Variants in BCL2 observed in about 807,000 individuals in gnomAD.
The protein encoded by BCL2 is apoptosis regulator Bcl-2.
A neutral mutation model predicts 14.2 loss-of-function variants in BCL2; 1 was observed. That is an observed-to-expected ratio of 0.07 (90% confidence interval 0.02 to 0.33). The LOEUF (loss-of-function observed/expected upper bound fraction) is 0.33. BCL2 is among the 10% of genes least tolerant of loss of function. The pLI, the probability that BCL2 is intolerant of heterozygous loss-of-function variation, is 0.99. For synonymous variants in BCL2, 151 were observed against 137.2 expected (o/e 1.10, Z -0.70); for missense variants, 247 against 305.9 (o/e 0.81, Z 1.44).
intron 2 of BCL2, among the ~76,000 whole-genome samples, chr18:63,252,368 G>A (rs975747104): frequency 3.3e-5 from 5 of 152,068 alleles, no homozygotes; most frequent in Admixed American, 2.6e-4. Flanking sequence ...TCATATCTTA[G>A]TGGGAGAGCT....
intron 2 of BCL2, among the ~76,000 whole-genome samples, chr18:63,199,652 GAC>G (rs1450779353): frequency 6.6e-6 from 1 of 151,064 alleles, no homozygotes; most frequent in East Asian, 1.9e-4. Context: ...CATACACGCA[GAC>G]ACATGTACAC....
At chr18:63,200,688 T>G (rs1909665822) in intron 2 of BCL2, among the ~76,000 whole-genome samples, 1 of 152,182 alleles carries the variant, frequency 6.6e-6, no homozygotes, top group Non-Finnish European at 1.5e-5. Context: ...AGTGCAATGG[T>G]GCAACATAGC....
chr18:63,279,331 T>G (rs1400509383), intron 2 of BCL2, among the ~76,000 whole-genome samples: 1 of 152,184 alleles, frequency 6.6e-6, no homozygotes, highest in Admixed American at 6.5e-5. Flanking sequence ...TGCAAAGAAC[T>G]CCTACAAATT....
intron 2 of BCL2, among the ~76,000 whole-genome samples, chr18:63,249,066 A>G (rs1911230637): frequency 6.6e-6 from 1 of 152,206 alleles, no homozygotes; most frequent in African/African-American, 2.4e-5. Flanking sequence ...ATATGGGCAT[A>G]TTAAAGAATC....
intron 2 of BCL2, among the ~76,000 whole-genome samples, chr18:63,272,244 G>GA (rs1912022460): frequency 1.3e-5 from 2 of 152,144 alleles, no homozygotes; most frequent in Admixed American, 6.5e-5. Context: ...TGCAACCCTG[G>GA]AAAAAATATC....
intron 2 of BCL2, among the ~76,000 whole-genome samples, chr18:63,168,788 G>T (rs1265641374): frequency 2.6e-5 from 4 of 152,160 alleles, no homozygotes; most frequent in Non-Finnish European, 5.9e-5. Context: ...GGAATGCCAG[G>T]GCTTTTTAGG....
intron 2 of BCL2, among the ~76,000 whole-genome samples, chr18:63,143,719 T>C (rs1397467057): frequency 6.6e-6 from 1 of 152,232 alleles, no homozygotes; most frequent in Non-Finnish European, 1.5e-5. Flanking sequence ...ATATTCCAGG[T>C]GGGACTGGCA....
chr18:63,243,502 G>A (rs375848918), intron 2 of BCL2, among the ~76,000 whole-genome samples: 9 of 152,062 alleles, frequency 5.9e-5, no homozygotes, highest in East Asian at 1.9e-4. Flanking sequence ...CACATGTACC[G>A]CTGAACTTAA....
intron 2 of BCL2, among the ~76,000 whole-genome samples, chr18:63,238,404 C>T (rs895954257): frequency 6.6e-6 from 1 of 152,198 alleles, no homozygotes; most frequent in Non-Finnish European, 1.5e-5. Flanking sequence ...GTAATTTAAT[C>T]TCACCTAAGC....
chr18:63,182,170 G>A (rs947600582), intron 2 of BCL2, among the ~76,000 whole-genome samples: 1 of 152,202 alleles, frequency 6.6e-6, no homozygotes, highest in Admixed American at 6.5e-5. Flanking sequence ...AGGGAGTGTG[G>A]CAGAATTGAT....
intron 2 of BCL2, among the ~76,000 whole-genome samples, chr18:63,296,254 C>T (rs1308060066): frequency 6.6e-6 from 1 of 152,166 alleles, no homozygotes; most frequent in Non-Finnish European, 1.5e-5. Flanking sequence ...TTCCAACCTT[C>T]CCAACCCAGC....
intron 2 of BCL2, among the ~76,000 whole-genome samples, chr18:63,134,006 T>TA (rs1274756719): frequency 6.6e-6 from 1 of 152,098 alleles, no homozygotes; most frequent in East Asian, 1.9e-4. Flanking sequence ...TCATATTGAG[T>TA]AAAGCAGGAC....
intron 2 of BCL2, among the ~76,000 whole-genome samples, chr18:63,157,422 C>A (rs1455527750): frequency 6.6e-6 from 1 of 152,212 alleles, no homozygotes; most frequent in Non-Finnish European, 1.5e-5. Flanking sequence ...CAGGAGGTGG[C>A]TTATTTCATG....
intron 2 of BCL2, among the ~76,000 whole-genome samples, chr18:63,311,396 G>T (rs1305015052): frequency 1.3e-5 from 2 of 152,184 alleles, no homozygotes; most frequent in Non-Finnish European, 2.9e-5. Flanking sequence ...ATACTCTGTT[G>T]CAGCTTAACT....
chr18:63,220,541 T>C (rs1351123610), intron 2 of BCL2, among the ~76,000 whole-genome samples: 1 of 152,114 alleles, frequency 6.6e-6, no homozygotes, highest in Non-Finnish European at 1.5e-5. Flanking sequence ...TTCCTCTAGG[T>C]TTTTCGTCAT....
At chr18:63,198,617 GACAC>G (rs1303364222) in intron 2 of BCL2, among the ~76,000 whole-genome samples, 1 of 126,926 alleles carries the variant, frequency 7.9e-6, no homozygotes, top group Non-Finnish European at 1.7e-5. Flanking sequence ...GACACACACT[GACAC>G]ACAGACACAG....
rs556548287 is a variant in BCL2, at chr18:63,161,377, A to G, written c.586-32618T>C. Among the ~76,000 whole-genome samples, 231 of 152,294 alleles carry G rather than the reference A, an allele frequency of 1.5e-3. 1 individual carries two copies. The highest frequency in any genetic ancestry group is 5.3e-3 in the African/African-American group (222 of 41,550). ...GTGAAATGAAGTTGCAGCCTCTGTC[A>G]CTGATGCTTTCTTTTTGCTCAGATG... On this transcript the variant is annotated intron_variant, in intron 2 of 2. Coordinates refer to ENST00000333681, the MANE Select transcript of BCL2 (RefSeq NM_000633.3).
At chr18:63,157,596 T>C (rs569633472) in intron 2 of BCL2, among the ~76,000 whole-genome samples, 4 of 152,342 alleles carry the variant, frequency 2.6e-5, no homozygotes, top group South Asian at 2.1e-4. Flanking sequence ...CTTATTATAA[T>C]TGTAACGCAG....
At chr18:63,278,828 A>G (rs1912229605) in intron 2 of BCL2, among the ~76,000 whole-genome samples, 1 of 152,240 alleles carries the variant, frequency 6.6e-6, no homozygotes, top group Non-Finnish European at 1.5e-5. Context: ...TGGCATTGGC[A>G]CAAGTGTAGG....
Sources: gnomAD v4.1 joint callset for allele counts (sites outside exome capture counted in the v4.1 genomes callset) on GRCh38, gnomAD v4.1.1 for gene constraint, MANE v1.5 for transcripts, NCBI Gene and HGNC (gene_info 2026-07-23, HGNC 2026-07-21) for gene names.